The following SYT1 variants were observed in gnomAD, a reference collection of about 807,000 sequenced individuals.
SYT1 encodes synaptotagmin-1.
Under a neutral mutation model 44.8 loss-of-function variants are expected in SYT1, and 8 were observed. That is an observed-to-expected ratio of 0.18 (90% confidence interval 0.10 to 0.32). The LOEUF is 0.32. Ranked by LOEUF, SYT1 falls within the 10% of genes least tolerant of loss-of-function variation. The probability of loss-of-function intolerance (pLI) is 1.00; values close to 1 mark genes in which losing one functional copy is unlikely to be tolerated. For synonymous variants in SYT1, 154 were observed against 188.8 expected (o/e 0.82, Z 1.51); for missense variants, 286 against 509.3 (o/e 0.56, Z 4.22).
chr12:78,930,178 C>CA (rs986796545), intron 1 of SYT1, among the ~76,000 whole-genome samples: 37 of 151,724 alleles, frequency 2.4e-4, no homozygotes, highest in Admixed American at 4.6e-4. Context: ...GTCTTCACCA[C>CA]AAAAAATCAG....
At chr12:79,099,075 T>A (rs1249791256) in intron 3 of SYT1, among the ~76,000 whole-genome samples, 6 of 152,176 alleles carry the variant, frequency 3.9e-5, no homozygotes, top group Non-Finnish European at 8.8e-5. Context: ...GTTACCTTAG[T>A]GCTATCCTTA....
At chr12:79,380,757 C>T (rs941966683) in intron 9 of SYT1, among the ~76,000 whole-genome samples, 5 of 152,132 alleles carry the variant, frequency 3.3e-5, no homozygotes, top group Admixed American at 1.3e-4. Flanking sequence ...CTTGCAATTC[C>T]CCAAGTGGAC....
chr12:79,171,383 A>T (rs1292532271), intron 3 of SYT1, among the ~76,000 whole-genome samples: 1 of 151,998 alleles, frequency 6.6e-6, no homozygotes, highest in African/African-American at 2.4e-5. Flanking sequence ...AGTGGTTTGC[A>T]GTTCTCCTTG....
chr12:79,211,723 G>A (rs1874469598), intron 3 of SYT1, among the ~76,000 whole-genome samples: 1 of 151,634 alleles, frequency 6.6e-6, no homozygotes, highest in African/African-American at 2.4e-5. Context: ...AGTTTACTGA[G>A]AATGATGATT....
chr12:78,963,120 G>A (rs12580990), intron 1 of SYT1, among the ~76,000 whole-genome samples: 4 of 151,606 alleles, frequency 2.6e-5, no homozygotes, highest in Admixed American at 6.6e-5. Flanking sequence ...CATTCATGTC[G>A]CTGTATATTA....
chr12:79,101,228 ACTTATCAGTGGATAAGT>A (rs1456538209), intron 3 of SYT1, among the ~76,000 whole-genome samples: 1 of 152,244 alleles, frequency 6.6e-6, no homozygotes, highest in African/African-American at 2.4e-5. Context: ...CACAAGTACC[ACTTATCAGTGGATAAGT>A]GAATAAACAA....
intron 2 of SYT1, among the ~76,000 whole-genome samples, chr12:79,032,474 G>T (rs1287549383): frequency 1.3e-5 from 2 of 151,166 alleles, no homozygotes; most frequent in Non-Finnish European, 3.0e-5. Flanking sequence ...TTCACTTGGG[G>T]CTACCTCCAG....
At chr12:79,401,859 T>C (rs61927379) in intron 9 of SYT1, among the ~76,000 whole-genome samples, 20,743 of 151,820 alleles carry the variant, frequency 0.14, 1,846 homozygotes, top group Middle Eastern at 0.34. Context: ...TGTAAAGTCA[T>C]GGTCTTGCTA....
intron 9 of SYT1, among the ~76,000 whole-genome samples, chr12:79,410,528 A>AAC (rs1868376600): frequency 7.2e-6 from 1 of 138,958 alleles, no homozygotes; most frequent in Non-Finnish European, 1.6e-5. Flanking sequence ...AAAAAAAAAA[A>AAC]CAGAACGACA....
chr12:78,982,668 C>T (rs537566913), intron 2 of SYT1, among the ~76,000 whole-genome samples: 11 of 152,228 alleles, frequency 7.2e-5, no homozygotes, highest in Admixed American at 4.6e-4. Flanking sequence ...GGTATGGTCT[C>T]GCAGCCTTGT....
At chr12:79,101,029 T>C (rs1408611119) in intron 3 of SYT1, among the ~76,000 whole-genome samples, 1 of 152,182 alleles carries the variant, frequency 6.6e-6, no homozygotes, top group African/African-American at 2.4e-5. Flanking sequence ...CATAATGAAA[T>C]AAATAAGATT....
At chr12:79,360,095 AT>A (rs1883261284) in intron 9 of SYT1, among the ~76,000 whole-genome samples, 1 of 152,096 alleles carries the variant, frequency 6.6e-6, no homozygotes, top group South Asian at 2.1e-4. Flanking sequence ...TACCCATGTT[AT>A]TTTTATGCAT....
At chr12:79,015,854 T>C (rs1393703980) in intron 2 of SYT1, among the ~76,000 whole-genome samples, 1 of 152,062 alleles carries the variant, frequency 6.6e-6, no homozygotes, top group African/African-American at 2.4e-5. Context: ...TAGGCCAGGA[T>C]TATCTACACT....
intron 9 of SYT1, among the ~76,000 whole-genome samples, chr12:79,375,332 G>A (rs1479353692): frequency 6.6e-6 from 1 of 152,108 alleles, no homozygotes; most frequent in Non-Finnish European, 1.5e-5. Context: ...AAAGGGATAG[G>A]CCAAAAGGAC....
intron 3 of SYT1, among the ~76,000 whole-genome samples, chr12:79,206,446 A>G (rs1438049844): frequency 6.6e-6 from 1 of 152,218 alleles, no homozygotes. Flanking sequence ...ACGTTGAGCA[A>G]ATAACAACTG....
intron 3 of SYT1, among the ~76,000 whole-genome samples, chr12:79,146,373 G>C (rs1451922460): frequency 6.6e-6 from 1 of 152,176 alleles, no homozygotes; most frequent in East Asian, 1.9e-4. Context: ...CTCTTTCCCT[G>C]TACTGTCTCA....
chr12:79,095,519 A>G lies in SYT1; in HGVS notation c.-18+48157A>G, dbSNP rs73353588. Among the ~76,000 whole-genome samples the G allele has an allele frequency of 7.9e-3, 1,194 of 151,976 alleles. 17 individuals carry two copies. The highest frequency in any genetic ancestry group is 0.027 in the African/African-American group (1,139 of 41,482). On this transcript the variant is annotated intron_variant, in intron 3 of 10. Coordinates refer to ENST00000261205, the MANE Select transcript of SYT1 (RefSeq NM_005639.3). The stretch of plus-strand genomic sequence containing the variant: ...TTTTCTACATATAACCAATTTATTT[A>G]TTACAAAAGTGATTCAAATCAATAA...
chr12:79,426,412 A>G (rs1869452321), intron 9 of SYT1, among the ~76,000 whole-genome samples: 1 of 152,170 alleles, frequency 6.6e-6, no homozygotes, highest in South Asian at 2.1e-4. Context: ...AAAAAAAAAC[A>G]TATTTCACAG....
chr12:79,162,524 A>G (rs1871010270), intron 3 of SYT1, among the ~76,000 whole-genome samples: 2 of 152,166 alleles, frequency 1.3e-5, no homozygotes, highest in South Asian at 4.1e-4. Flanking sequence ...GAGCTAAACA[A>G]AATCATGCAG....
Sources: gnomAD v4.1 joint callset for allele counts (sites outside exome capture counted in the v4.1 genomes callset) on GRCh38, gnomAD v4.1.1 for gene constraint, MANE v1.5 for transcripts, NCBI Gene and HGNC (gene_info 2026-07-23, HGNC 2026-07-21) for gene names.